TIAM1: variants seen among roughly 807,000 people sequenced by gnomAD.
TIAM1 encodes the protein TIAM Rac1 associated GEF 1.
A neutral mutation model predicts 163.5 loss-of-function variants in TIAM1; 65 were observed. The observed-to-expected ratio is 0.40, with a 90% CI of 0.33 to 0.49. The LOEUF is 0.49. Ranked by LOEUF, TIAM1 falls within the 20% of genes least tolerant of loss-of-function variation. The probability of loss-of-function intolerance (pLI) is 0.77; values close to 1 mark genes in which losing one functional copy is unlikely to be tolerated. For missense variants in TIAM1, 1,789 were observed against 2,044.7 expected (o/e 0.87, Z 2.41); for synonymous variants, 833 against 810.1 (o/e 1.03, Z -0.48).
chr21:31,422,076 C>T (rs989081100), intron 2 of TIAM1, among the ~76,000 whole-genome samples: 8 of 152,260 alleles, frequency 5.3e-5, no homozygotes, highest in African/African-American at 1.9e-4. Context: ...CTTGCCAACA[C>T]CTTGACTTCA....
rs2044907666 is a variant in TIAM1, at chr21:31,452,581, G to A, written c.-369+11402C>T. 6.7e-6 allele frequency: 4 copies of A among 593,200 alleles called. No homozygotes were observed. The East Asian group carries it at 1.4e-4, about 21-fold the overall frequency. 36.7% of individuals were successfully genotyped at this position (593,200 alleles called of 1,614,324 possible). A position where few individuals can be genotyped will look rare whatever the true frequency, so the allele number is the denominator to read the frequency against. On this transcript the variant is annotated intron_variant, in intron 2 of 28. Coordinates refer to the TIAM1 transcript ENST00000286827. Reference sequence around the variant, plus strand: ...TCGTCACACAAACTCTGTACTTCCTGGAATCGATATAGCACTAAGTTATGT... The same window carrying A: ...TCGTCACACAAACTCTGTACTTCCTAGAATCGATATAGCACTAAGTTATGT...
chr21:31,249,239 CA>C (rs2071665973), intron 5 of TIAM1, among the ~76,000 whole-genome samples: 1 of 152,160 alleles, frequency 6.6e-6, no homozygotes, highest in African/African-American at 2.4e-5. Context: ...GGAATTTGAA[CA>C]TAGACAAGTA....
chr21:31,188,929 T>G (rs1208792703), intron 13 of TIAM1, among the ~76,000 whole-genome samples: 1 of 151,822 alleles, frequency 6.6e-6, no homozygotes, highest in African/African-American at 2.4e-5. Flanking sequence ...GGAAACACCT[T>G]TGCTTAACTG....
intron 15 of TIAM1, among the ~76,000 whole-genome samples, chr21:31,173,531 A>AG (rs2084619740): frequency 1.5e-5 from 2 of 137,134 alleles, no homozygotes; most frequent in Non-Finnish European, 3.0e-5. Flanking sequence ...AGAGCGAGAG[A>AG]AAGAGAGAGA....
chr21:31,264,095 T>C (rs2072627167), intron 4 of TIAM1, among the ~76,000 whole-genome samples: 1 of 152,126 alleles, frequency 6.6e-6, no homozygotes, highest in Non-Finnish European at 1.5e-5. Flanking sequence ...GATGCAGCCT[T>C]GGTAGCAACT....
chr21:31,152,356 G>A (rs2083416784), intron 19 of TIAM1, among the ~76,000 whole-genome samples: 1 of 152,166 alleles, frequency 6.6e-6, no homozygotes, highest in Admixed American at 6.6e-5. Context: ...CTAATTCACT[G>A]ATAGCTAAAG....
At chr21:31,316,878 C>G (rs1385481583) in intron 2 of TIAM1, among the ~76,000 whole-genome samples, 1 of 152,154 alleles carries the variant, frequency 6.6e-6, no homozygotes, top group Non-Finnish European at 1.5e-5. Flanking sequence ...GATCCTGCCC[C>G]CCAGGGAGGG....
intron 2 of TIAM1, among the ~76,000 whole-genome samples, chr21:31,439,563 T>G (rs1039159142): frequency 1.4e-4 from 21 of 152,242 alleles, no homozygotes; most frequent in African/African-American, 4.8e-4. Context: ...GTGCTGGCAT[T>G]ACAGGCATGG....
At chr21:31,191,918 T>A (rs1477059258) in intron 13 of TIAM1, among the ~76,000 whole-genome samples, 1 of 152,236 alleles carries the variant, frequency 6.6e-6, no homozygotes, top group Non-Finnish European at 1.5e-5. Flanking sequence ...TGATCTTTGC[T>A]AGTTTATCCT....
intron 15 of TIAM1, among the ~76,000 whole-genome samples, chr21:31,175,511 T>C (rs939932300): frequency 1.3e-5 from 2 of 152,248 alleles, no homozygotes; most frequent in Non-Finnish European, 2.9e-5. Flanking sequence ...TAATTCCATT[T>C]ATTTTTTCTT....
intron 1 of TIAM1, among the ~76,000 whole-genome samples, chr21:31,486,748 G>A (rs9978906): frequency 0.34 from 52,099 of 152,126 alleles, 9,221 homozygotes; most frequent in Non-Finnish European, 0.37. Context: ...GGTCTTTGAT[G>A]TGGGGCAGTC....
intron 22 of TIAM1, among the ~76,000 whole-genome samples, chr21:31,140,307 C>T (rs1469798705): frequency 6.6e-6 from 1 of 152,168 alleles, no homozygotes; most frequent in Non-Finnish European, 1.5e-5. Flanking sequence ...TTCCTTCCCA[C>T]ATTTTCTCTT....
intron 2 of TIAM1, among the ~76,000 whole-genome samples, chr21:31,280,940 C>T (rs1351605368): frequency 1.3e-5 from 2 of 151,428 alleles, no homozygotes; most frequent in Non-Finnish European, 2.9e-5. Flanking sequence ...AACAGTGAGA[C>T]ACCCACCTCT....
In TIAM1 at chr21:31,190,236, T is replaced by A. The variant is rs572914133; in HGVS notation, c.2576-3149A>T. On this transcript the variant is annotated intron_variant, in intron 13 of 27. Transcript: ENST00000541036. ...GCCCTGGCAACACAGTGAGACCCTG[T>A]CTCTACAAAATTTTTTTTAAAAAAT... Among the ~76,000 whole-genome samples the A allele has an allele frequency of 1.1e-4, 16 of 152,200 alleles. No individual in the cohort carries two copies. The East Asian group carries it at 3.1e-3, about 29-fold the overall frequency.
chr21:31,209,986 G>A, intron 11 of TIAM1, 59 bp downstream of exon 11: 1 of 1,551,386 alleles, frequency 6.4e-7, no homozygotes, highest in South Asian at 1.2e-5. Flanking sequence ...ATGTGCCTTA[G>A]AAGATTGCTA....
At chr21:31,220,029 T>A (rs946890134) in intron 8 of TIAM1, among the ~76,000 whole-genome samples, 2 of 152,222 alleles carry the variant, frequency 1.3e-5, no homozygotes, top group African/African-American at 4.8e-5. Context: ...GTGTTAAAAA[T>A]TTTTAAATTC....
chr21:31,208,652 C>T (rs2086571861), intron 11 of TIAM1, among the ~76,000 whole-genome samples: 1 of 152,178 alleles, frequency 6.6e-6, no homozygotes, highest in Admixed American at 6.5e-5. Context: ...TGGCCCAAAA[C>T]AAGTGATTCT....
intron 22 of TIAM1, among the ~76,000 whole-genome samples, chr21:31,138,349 A>G (rs538413747): frequency 4.1e-4 from 63 of 152,294 alleles, no homozygotes; most frequent in African/African-American, 1.5e-3. Context: ...AGATATCTTA[A>G]GGAATGTTGG....
intron 1 of TIAM1, among the ~76,000 whole-genome samples, chr21:31,495,516 C>T (rs979685952): frequency 4.6e-5 from 7 of 152,236 alleles, no homozygotes; most frequent in African/African-American, 1.7e-4. Flanking sequence ...GGAGCCTCCA[C>T]AGCCTAATCG....
Sources: gnomAD v4.1 joint callset for allele counts (sites outside exome capture counted in the v4.1 genomes callset) on GRCh38, gnomAD v4.1.1 for gene constraint, MANE v1.5 for transcripts, NCBI Gene and HGNC (gene_info 2026-07-23, HGNC 2026-07-21) for gene names.